Variants in OPCML observed in about 807,000 individuals in gnomAD.
OPCML encodes the protein opioid-binding protein/cell adhesion molecule.
A neutral mutation model predicts 37.8 loss-of-function variants in OPCML; 13 were observed. The ratio of observed to expected loss-of-function variants is 0.34; its 90% CI spans 0.22 to 0.55. The LOEUF (loss-of-function observed/expected upper bound fraction) is 0.55. OPCML is among the 20% of genes least tolerant of loss of function. The probability of loss-of-function intolerance (pLI) is 0.91; values close to 1 mark genes in which losing one functional copy is unlikely to be tolerated. For missense variants in OPCML, 341 were observed against 435.6 expected, an observed-to-expected ratio of 0.78 and a Z score of 1.93; for synonymous variants, 176 against 168.8, an observed-to-expected ratio of 1.04 and a Z score of -0.33.
chr11:133,163,164 C>T (rs1281495098), intron 1 of OPCML, among the ~76,000 whole-genome samples: 5 of 152,176 alleles, frequency 3.3e-5, no homozygotes, highest in Admixed American at 3.3e-4. Context: ...CTCTTACGAG[C>T]CTTGCCACTC....
At chr11:132,664,370 G>C (rs1942131978) in intron 2 of OPCML, among the ~76,000 whole-genome samples, 2 of 152,178 alleles carry the variant, frequency 1.3e-5, no homozygotes, top group South Asian at 4.1e-4. Flanking sequence ...TTTAAGAAAT[G>C]CTGGGTGGAA....
intron 1 of OPCML, among the ~76,000 whole-genome samples, chr11:133,379,704 G>A (rs1944892389): frequency 6.6e-6 from 1 of 152,184 alleles, no homozygotes; most frequent in African/African-American, 2.4e-5. Flanking sequence ...CATGAAATGT[G>A]AAATGGTATT....
chr11:133,517,996 T>C (rs1398294679), intron 1 of OPCML, among the ~76,000 whole-genome samples: 1 of 152,116 alleles, frequency 6.6e-6, no homozygotes, highest in African/African-American at 2.4e-5. Flanking sequence ...CACTGCCAGT[T>C]CCGAGGAGGA....
chr11:133,258,241 G>C (rs764740829), intron 1 of OPCML, among the ~76,000 whole-genome samples: 1 of 152,190 alleles, frequency 6.6e-6, no homozygotes, highest in Non-Finnish European at 1.5e-5. Context: ...GTTTTGGAAG[G>C]CCACACACAA....
intron 3 of OPCML, among the ~76,000 whole-genome samples, chr11:132,604,918 A>G (rs1257522290): frequency 6.6e-6 from 1 of 152,232 alleles, no homozygotes; most frequent in Non-Finnish European, 1.5e-5. Flanking sequence ...ATCTGAGCTA[A>G]GGAACTTGGA....
chr11:132,807,760 A>G (rs543625779), intron 2 of OPCML, among the ~76,000 whole-genome samples: 1 of 152,320 alleles, frequency 6.6e-6, no homozygotes, highest in South Asian at 2.1e-4. Flanking sequence ...AGATGCTCAG[A>G]ATTTCCACTC....
intron 1 of OPCML, among the ~76,000 whole-genome samples, chr11:133,155,590 C>T (rs1199363428): frequency 6.6e-6 from 1 of 152,120 alleles, no homozygotes; most frequent in Non-Finnish European, 1.5e-5. Context: ...CATACCCAGC[C>T]CACACCCTCA....
At chr11:133,388,356 A>G (rs1179125489) in intron 1 of OPCML, among the ~76,000 whole-genome samples, 1 of 152,168 alleles carries the variant, frequency 6.6e-6, no homozygotes, top group Non-Finnish European at 1.5e-5. Context: ...GTAAAAGTGA[A>G]TGGACCCTTG....
chr11:133,313,910 T>C (rs1040506915), intron 1 of OPCML, among the ~76,000 whole-genome samples: 2 of 152,178 alleles, frequency 1.3e-5, no homozygotes, highest in African/African-American at 4.8e-5. Context: ...GAACTATCAG[T>C]TTGAAGAAGT....
intron 2 of OPCML, among the ~76,000 whole-genome samples, chr11:132,918,621 G>A (rs1944686664): frequency 6.6e-6 from 1 of 151,888 alleles, no homozygotes; most frequent in African/African-American, 2.4e-5. Context: ...TTTTCTAGTA[G>A]GTTTAACTGA....
intron 4 of OPCML, among the ~76,000 whole-genome samples, chr11:132,492,446 G>C: frequency 6.6e-6 from 1 of 152,008 alleles, no homozygotes; most frequent in Non-Finnish European, 1.5e-5. Context: ...AGAAAGAGTG[G>C]AATCAAGGAT....
At chr11:132,824,875 C>T (rs1205496137) in intron 2 of OPCML, among the ~76,000 whole-genome samples, 1 of 152,160 alleles carries the variant, frequency 6.6e-6, no homozygotes, top group Non-Finnish European at 1.5e-5. Context: ...TTCAGTTTAT[C>T]CACCTGTCTA....
At chr11:132,609,470 T>G (rs1046612886) in intron 3 of OPCML, among the ~76,000 whole-genome samples, 2 of 152,050 alleles carry the variant, frequency 1.3e-5, no homozygotes, top group African/African-American at 4.8e-5. Context: ...CCTACCCTCA[T>G]GCTCTGCTTG....
chr11:133,502,693 A>T (rs1312458390), intron 1 of OPCML, among the ~76,000 whole-genome samples: 4 of 152,238 alleles, frequency 2.6e-5, no homozygotes, highest in Non-Finnish European at 5.9e-5. Flanking sequence ...TTTCAGTCCA[A>T]GTCCTCAGGT....
intron 1 of OPCML, among the ~76,000 whole-genome samples, chr11:133,210,396 C>A (rs1046200658): frequency 6.6e-6 from 1 of 152,178 alleles, no homozygotes; most frequent in African/African-American, 2.4e-5. Context: ...GCCAGCCCCT[C>A]CCTTCTCTCT....
chr11:132,790,292 C>T (rs537279384), intron 2 of OPCML, among the ~76,000 whole-genome samples: 5 of 152,100 alleles, frequency 3.3e-5, no homozygotes, highest in South Asian at 4.1e-4. Context: ...TTCTAGTGTT[C>T]GATAGCAAAG....
At chr11:132,512,791 A>G (rs1173088983) in intron 4 of OPCML, among the ~76,000 whole-genome samples, 3 of 152,056 alleles carry the variant, frequency 2.0e-5, no homozygotes, top group African/African-American at 4.8e-5. Context: ...AGTCTAATAT[A>G]TAACAGCAGA....
chr11:132,876,650 A>T (rs966833359), intron 2 of OPCML, among the ~76,000 whole-genome samples: 82 of 152,302 alleles, frequency 5.4e-4, no homozygotes, highest in African/African-American at 1.9e-3. Context: ...TCTATATCTA[A>T]TATAAATGTC....
chr11:133,293,798 T>C (rs888840861), intron 1 of OPCML, among the ~76,000 whole-genome samples: 2 of 151,858 alleles, frequency 1.3e-5, no homozygotes. Context: ...CAGGTGCCCA[T>C]TAGGGCTTGA....
Sources: gnomAD v4.1 joint callset for allele counts (sites outside exome capture counted in the v4.1 genomes callset) on GRCh38, gnomAD v4.1.1 for gene constraint, MANE v1.5 for transcripts, NCBI Gene and HGNC (gene_info 2026-07-23, HGNC 2026-07-21) for gene names.